The following CNTN4 variants were observed in gnomAD, a reference collection of about 807,000 sequenced individuals.
CNTN4 encodes contactin 4, also known as contactin-4.
A neutral mutation model predicts 122.5 loss-of-function variants in CNTN4; 77 were observed. That is an observed-to-expected ratio of 0.63 (90% confidence interval 0.52 to 0.76). The LOEUF (loss-of-function observed/expected upper bound fraction) is 0.76, where lower values mean the gene tolerates loss of function less well. CNTN4 is among the 30% of genes least tolerant of loss of function. The pLI, the probability that CNTN4 is intolerant of heterozygous loss-of-function variation, is 0.00. For missense variants in CNTN4, 1,256 were observed against 1,259.1 expected, an observed-to-expected ratio of 1.00 and a Z score of 0.04; for synonymous variants, 512 against 447.0, an observed-to-expected ratio of 1.15 and a Z score of -1.83.
intron 4 of CNTN4, among the ~76,000 whole-genome samples, chr3:2,658,965 G>GACACACACACACACACACAC (rs67168398): frequency 7.2e-6 from 1 of 139,610 alleles, no homozygotes; most frequent in Non-Finnish European, 1.6e-5. Flanking sequence ...CACACAAACA[G>GACACACACACACACACACAC]ACACACACAC....
intron 2 of CNTN4, among the ~76,000 whole-genome samples, chr3:2,112,975 A>G (rs1459585804): frequency 1.3e-5 from 2 of 152,284 alleles, no homozygotes; most frequent in African/African-American, 2.4e-5. Flanking sequence ...TATAGTTTCT[A>G]AGTAATTCTT....
chr3:2,501,152 A>G (rs968818449), intron 3 of CNTN4, among the ~76,000 whole-genome samples: 2 of 152,138 alleles, frequency 1.3e-5, no homozygotes, highest in African/African-American at 4.8e-5. Flanking sequence ...GGAGACCCAT[A>G]TGCTCAGGAG....
intron 3 of CNTN4, among the ~76,000 whole-genome samples, chr3:2,494,444 G>A (rs2076400142): frequency 6.6e-6 from 1 of 152,188 alleles, no homozygotes; most frequent in South Asian, 2.1e-4. Context: ...GATGAGGTCA[G>A]CAGAAGGAAA....
intron 13 of CNTN4, among the ~76,000 whole-genome samples, chr3:2,945,775 A>G (rs1267366116): frequency 6.6e-6 from 1 of 152,226 alleles, no homozygotes; most frequent in Non-Finnish European, 1.5e-5. Flanking sequence ...GGACACTTTA[A>G]TTAGCCTAAG....
intron 4 of CNTN4, among the ~76,000 whole-genome samples, chr3:2,654,393 A>G (rs773942715): frequency 6.6e-6 from 1 of 152,200 alleles, no homozygotes. Context: ...TTTCAAAATT[A>G]TACTGTTTGT....
chr3:2,328,659 G>A (rs1444032179), intron 2 of CNTN4, among the ~76,000 whole-genome samples: 1 of 135,298 alleles, frequency 7.4e-6, no homozygotes, highest in African/African-American at 2.7e-5. Flanking sequence ...GATCAATAAT[G>A]TTTGGAAAAA....
chr3:2,932,234 CG>C (rs2094527194), intron 13 of CNTN4, among the ~76,000 whole-genome samples: 1 of 151,894 alleles, frequency 6.6e-6, no homozygotes, highest in African/African-American at 2.4e-5. Flanking sequence ...AAAAATTAGC[CG>C]GGCGTGGTGG....
At chr3:2,240,920 A>T (rs763903495) in intron 2 of CNTN4, among the ~76,000 whole-genome samples, 46 of 152,134 alleles carry the variant, frequency 3.0e-4, no homozygotes, top group Non-Finnish European at 2.5e-4. Context: ...TTTTCATTGC[A>T]ATTGCTACAT....
At chr3:2,813,736 C>T (rs531035265) in intron 6 of CNTN4, among the ~76,000 whole-genome samples, 1 of 152,066 alleles carries the variant, frequency 6.6e-6, no homozygotes, top group African/African-American at 2.4e-5. Context: ...GATTTTATAT[C>T]CTCTAGACTA....
At chr3:2,346,131 A>T (rs1666329) in intron 3 of CNTN4, among the ~76,000 whole-genome samples, 74,756 of 151,646 alleles carry the variant, frequency 0.49, 18,622 homozygotes, top group Admixed American at 0.52. Context: ...TTGTGTCAGG[A>T]TTTTTGTTTC....
intron 2 of CNTN4, among the ~76,000 whole-genome samples, chr3:2,123,376 T>A (rs911130843): frequency 5.3e-5 from 8 of 152,222 alleles, no homozygotes; most frequent in African/African-American, 1.9e-4. Context: ...ATCATTGCAA[T>A]TGACCATCAG....
intron 12 of CNTN4, among the ~76,000 whole-genome samples, chr3:2,916,414 A>C (rs1239910676): frequency 2.7e-4 from 41 of 149,408 alleles, no homozygotes; most frequent in Admixed American, 6.7e-5. Context: ...GTTAAGGAGC[A>C]TGCTGCCTTC....
intron 2 of CNTN4, among the ~76,000 whole-genome samples, chr3:2,221,676 A>C (rs1223466132): frequency 6.6e-6 from 1 of 152,092 alleles, no homozygotes; most frequent in Non-Finnish European, 1.5e-5. Flanking sequence ...AGAATACATA[A>C]AATCTCTTAA....
rs140022800 is a variant in CNTN4 at position 2,709,352 on chromosome 3, A to G, written c.56-26863A>G. Among the ~76,000 whole-genome samples the G allele has an allele frequency of 1.3e-5, 2 of 152,284 alleles. No individual in the cohort carries two copies. Among genetic ancestry groups the G allele is most frequent in the African/African-American group, 4.8e-5 (2 of 41,544 alleles). On this transcript the variant is annotated intron_variant, in intron 4 of 24. Coordinates refer to ENST00000418658, the MANE Select transcript of CNTN4 (RefSeq NM_175607.3). The surrounding 1 kb of genome is among the most constrained non-coding windows in gnomAD (Gnocchi z 5.0). ...AGAATCATCTGGGGGTCCTTAAAAA[A>G]TACTGATGCGTAGGTCTCACGCCTG...
chr3:2,615,431 T>C (rs2081677454), intron 4 of CNTN4, among the ~76,000 whole-genome samples: 1 of 152,204 alleles, frequency 6.6e-6, no homozygotes, highest in Admixed American at 6.5e-5. Context: ...CATCTGTACA[T>C]GTTTAAAGCC....
At chr3:2,182,390 A>G (rs1264082400) in intron 2 of CNTN4, among the ~76,000 whole-genome samples, 2 of 152,100 alleles carry the variant, frequency 1.3e-5, no homozygotes, top group African/African-American at 2.4e-5. Flanking sequence ...AAAGTTGTTG[A>G]TTATTTTTAA....
chr3:2,365,114 G>A (rs1575469005), intron 3 of CNTN4, among the ~76,000 whole-genome samples: 1 of 151,890 alleles, frequency 6.6e-6, no homozygotes, highest in Non-Finnish European at 1.5e-5. Flanking sequence ...TTTTTATGAT[G>A]ACAGAAAAGA....
intron 4 of CNTN4, among the ~76,000 whole-genome samples, chr3:2,725,858 G>A (rs184557304): frequency 1.5e-3 from 226 of 152,234 alleles, no homozygotes; most frequent in African/African-American, 5.2e-3. Context: ...AGAATAGAAC[G>A]AAGACCAATG....
At position 2,913,054 on chromosome 3, in the gene CNTN4, A is replaced by G. The variant is rs2094318193; in HGVS notation, c.1207+10049A>G. Among the ~76,000 whole-genome samples the G allele has an allele frequency of 1.3e-5, 2 of 152,318 alleles. 1 individual carries two copies. The highest frequency in any genetic ancestry group is 6.8e-3 in the Middle Eastern group (2 of 294). On this transcript the variant is annotated intron_variant, in intron 12 of 24. Transcript: ENST00000418658. ...GTAATCCCAGCTACTCAGCAGGCTG[A>G]GGCAGGAGACTCACTTAAACCCGAG...
Sources: allele counts gnomAD v4.1 joint callset (sites outside exome capture counted in the v4.1 genomes callset), GRCh38; gene constraint gnomAD v4.1.1; non-coding constraint Gnocchi (gnomAD v3.1); transcripts MANE v1.5; gene names NCBI Gene and HGNC (gene_info 2026-07-23, HGNC 2026-07-21).